The following LRRC47 variants were observed in gnomAD, a reference collection of about 807,000 sequenced individuals.
The protein encoded by LRRC47 is leucine rich repeat containing 47.
In LRRC47, 31 loss-of-function variants were observed where a neutral mutation model predicts 40.9. The ratio of observed to expected loss-of-function variants is 0.76; its 90% confidence interval spans 0.57 to 1.02. The LOEUF (loss-of-function observed/expected upper bound fraction) is 1.02. LRRC47 is among the 50% of genes least tolerant of loss of function. The probability of loss-of-function intolerance (pLI) is 0.00; values close to 1 mark genes in which losing one functional copy is unlikely to be tolerated. For synonymous variants in LRRC47, 427 were observed against 371.9 expected, an observed-to-expected ratio of 1.15 and a Z score of -1.70; for missense variants, 726 against 796.1, an observed-to-expected ratio of 0.91 and a Z score of 1.06.
Position 3,783,926 on chromosome 1 carries a change from C to CT in LRRC47, c.1310+69dup, listed in dbSNP as rs766812194. The CT allele has an allele frequency of 3.8e-6, 5 of 1,320,750 alleles. No homozygotes were observed. The Middle Eastern group carries it at 7.3e-4, about 194-fold the overall frequency. 81.8% of individuals were successfully genotyped at this position (1,320,750 alleles called of 1,614,324 possible). ...TTAGGCGGTTCCTGAGGAGCACAGA[C>CT]TAACTCAGCTGAGGCCAGCATGCGG... On this transcript the variant is annotated intron_variant, in intron 4 of 6. Transcript: ENST00000378251.
At chr1:3,790,203 C>T (rs2124613466) in intron 1 of LRRC47, among the ~76,000 whole-genome samples, 1 of 152,346 alleles carries the variant, frequency 6.6e-6, no homozygotes, top group South Asian at 2.1e-4. Flanking sequence ...ATCCTAACTT[C>T]ATGGTGGTGA....
intron 1 of LRRC47, among the ~76,000 whole-genome samples, chr1:3,792,887 A>G (rs1258403499): frequency 6.6e-6 from 1 of 152,212 alleles, no homozygotes; most frequent in Non-Finnish European, 1.5e-5. Context: ...CTGGAAAACC[A>G]AAAGTATCTG....
intron 1 of LRRC47, among the ~76,000 whole-genome samples, chr1:3,792,877 C>A (rs988582243): frequency 1.3e-5 from 2 of 152,230 alleles, no homozygotes; most frequent in Non-Finnish European, 2.9e-5. Context: ...CATCAACACT[C>A]TGGAAAACCA....
chr1:3,785,065 C>T, intron 3 of LRRC47, 22 bp downstream of exon 3: 1 of 1,552,676 alleles, frequency 6.4e-7, no homozygotes, highest in Non-Finnish European at 8.8e-7. Context: ...TTCAGCAGAC[C>T]CTGCAAAGGA....
chr1:3,793,591 G>A (rs778001892), intron 1 of LRRC47, among the ~76,000 whole-genome samples: 2 of 152,186 alleles, frequency 1.3e-5, no homozygotes, highest in Admixed American at 6.5e-5. Context: ...TCTTCTGGAG[G>A]TCACAAGATA....
rs753784096 is a variant in LRRC47, at chr1:3,786,908, C to T, written c.1018G>A (p.Val340Met). ...RDVRPYIVGA[V>M]VRGMDLQPGN... Reference sequence around the variant, plus strand: ...GGCTGCAGGTCCATGCCTCGCACCACGGCCCCCACAATGTAGGGCCGCACA... The same window carrying T: ...GGCTGCAGGTCCATGCCTCGCACCATGGCCCCCACAATGTAGGGCCGCACA... The change falls in exon 2 of 7, where the codon GTG becomes ATG. Residue 340 changes from valine to methionine, a missense_variant. Coordinates refer to ENST00000378251, the MANE Select transcript of LRRC47 (RefSeq NM_020710.3). The T allele has an allele frequency of 6.2e-6, 10 of 1,606,700 alleles. No individual in the cohort carries two copies. The highest frequency in any genetic ancestry group is 2.2e-5 in the East Asian group (1 of 44,496).
intron 5 of LRRC47, among the ~76,000 whole-genome samples, chr1:3,781,895 C>T (rs1018283033): frequency 5.9e-5 from 9 of 152,170 alleles, no homozygotes; most frequent in African/African-American, 2.4e-5. Context: ...ATGGGAGGAT[C>T]GCTTAAGCCC....
Position 3,796,231 on chromosome 1 carries a change from C to T in LRRC47, c.246G>A (p.Leu82=). Residue 82 remains leucine (L), a synonymous_variant, in exon 1 of 7, where the codon CTG becomes CTA. Transcript: ENST00000378251. ...QGLPQLHSLV[L]RRNALGPGLS... is the part of the protein sequence containing the mutation. ...GGCCGGGCCCCAGCGCGTTGCGCCG[C>T]AGCACGAGGCTGTGCAGCTGCGGCA... 1 of 1,426,936 alleles carries T rather than the reference C, an allele frequency of 7.0e-7. No individual in the cohort carries two copies. Among genetic ancestry groups the T allele is most frequent in the Non-Finnish European group, 9.1e-7 (1 of 1,099,692 alleles). The allele number at this position is 1,426,936 out of a possible 1,614,324, so 88.4% of individuals were successfully genotyped here. A position where few individuals can be genotyped will look rare whatever the true frequency, so the allele number is the denominator to read the frequency against.
chr1:3,787,263 A>C lies in LRRC47; in HGVS notation c.663T>G (p.Leu221=), dbSNP rs41301965. The C allele has an allele frequency of 1.9e-6, 3 of 1,613,226 alleles. No individual in the cohort carries two copies. The highest frequency in any genetic ancestry group is 1.7e-5 in the Admixed American group (1 of 59,996). Residue 221 remains leucine (L), a synonymous_variant, in exon 2 of 7, where the codon CTT becomes CTG. Transcript: ENST00000378251. ...TCTCCTTGAGCTTGGGGCAGTCCGC[A>C]AGCTCTGCAGGGATCTCGCTCAGCT... is the stretch of plus-strand genomic sequence containing the variant. ...NNQLSEIPAE[L]ADCPKLKEIN...
In LRRC47 at chr1:3,781,083, T is replaced by C. The variant is rs762996102; in HGVS notation, c.*5A>G. On this transcript the variant is annotated 3_prime_UTR_variant, in exon 7 of 7. Coordinates refer to ENST00000378251, the MANE Select transcript of LRRC47 (RefSeq NM_020710.3). ...CCAAACAAACGCGGACAGGCGGCCC[T>C]GGCGTCAGCGCACGACAGTCACGTG... 3 of 1,610,896 alleles carry C rather than the reference T, an allele frequency of 1.9e-6. No individual in the cohort carries two copies. In the South Asian group the frequency reaches 3.3e-5, roughly 18 times the overall value.
At chr1:3,791,991 TG>T (rs1395514022) in intron 1 of LRRC47, among the ~76,000 whole-genome samples, 1 of 152,118 alleles carries the variant, frequency 6.6e-6, no homozygotes, top group African/African-American at 2.4e-5. Context: ...TGGGCTCAAG[TG>T]ATCCGCCCGC....
rs1158053712 is a variant in LRRC47 at position 3,781,557 on chromosome 1, G to A, written c.1458C>T (p.Ala486=). ...TSDLFLEVTS[A]TSLQICKDVM... ...CATCCTTGCAAATCTGCAGACTGGT[G>A]GCACTTGTTACTTCCAAAAACAAAT... The change falls in exon 6 of 7, where the codon GCC becomes GCT. Residue 486 remains alanine (A), a synonymous_variant. Coordinates refer to ENST00000378251, the MANE Select transcript of LRRC47 (RefSeq NM_020710.3). 2 of 1,613,960 alleles carry A rather than the reference G, an allele frequency of 1.2e-6. No homozygotes were observed. The highest frequency in any genetic ancestry group is 1.7e-5 in the Admixed American group (1 of 60,014).
At chr1:3,793,078 C>G (rs1037584783) in intron 1 of LRRC47, among the ~76,000 whole-genome samples, 1 of 152,022 alleles carries the variant, frequency 6.6e-6, no homozygotes, top group African/African-American at 2.4e-5. Flanking sequence ...TGAAAGAGAT[C>G]TGATCTAACC....
Position 3,796,405 on chromosome 1 carries a change from C to T in LRRC47, c.72G>A (p.Leu24=), listed in dbSNP as rs1400383737. ...ELAERERRRE[L]LLTGPGLEER... ...CCTCCAGCCCGGGCCCCGTCAGCAG[C>T]AGCTCCCGCCGCCGCTCGCGCTCAG... The change falls in exon 1 of 7, where the codon CTG becomes CTA. Residue 24 remains leucine (L), a synonymous_variant. Coordinates refer to ENST00000378251, the MANE Select transcript of LRRC47 (RefSeq NM_020710.3). The T allele has an allele frequency of 6.6e-7, 1 of 1,516,464 alleles. No individual in the cohort carries two copies. The highest frequency in any genetic ancestry group is 2.0e-5 in the Admixed American group (1 of 49,808). 93.9% of individuals were successfully genotyped at this position (1,516,464 alleles called of 1,614,324 possible).
chr1:3,787,453 A>G, intron 1 of LRRC47, 143 bp from the exon 2 acceptor site: 1 of 761,000 alleles, frequency 1.3e-6, no homozygotes, highest in Non-Finnish European at 2.1e-6. Flanking sequence ...GGGGAGCCAC[A>G]AGTCATTCAC....
At chr1:3,794,544 C>G (rs1643656288) in intron 1 of LRRC47, among the ~76,000 whole-genome samples, 2 of 151,914 alleles carry the variant, frequency 1.3e-5, no homozygotes, top group African/African-American at 4.8e-5. Flanking sequence ...TGGGGTTTCA[C>G]CATGTTGGCC....
Position 3,796,276 on chromosome 1 carries a change from C to G in LRRC47, c.201G>C (p.Gly67=), listed in dbSNP as rs771351720. 5.4e-6 allele frequency: 8 copies of G among 1,478,132 alleles called. No individual in the cohort carries two copies. In the Admixed American group the frequency reaches 1.4e-4, roughly 26 times the overall value. 91.6% of individuals were successfully genotyped at this position (1,478,132 alleles called of 1,614,324 possible). ...VSGCGSLRAP[G]PGLAQGLPQL... ...GCGGCAGGCCCTGCGCCAGGCCAGG[C>G]CCCGGCGCGCGCAAGCTCCCGCAGC... is the stretch of plus-strand genomic sequence containing the variant. The change falls in exon 1 of 7, where the codon GGG becomes GGC. Residue 67 remains glycine (G), a synonymous_variant. Transcript: ENST00000378251.
chr1:3,795,128 C>T (rs1643661995), intron 1 of LRRC47, among the ~76,000 whole-genome samples: 1 of 151,706 alleles, frequency 6.6e-6, no homozygotes, highest in South Asian at 2.1e-4. Context: ...GCAGGACTGC[C>T]TTAAGGATGA....
At position 3,784,007 on chromosome 1, in the gene LRRC47, C is replaced by G; in HGVS notation, c.1299G>C (p.Ser433=). The change falls in exon 4 of 7, where the codon TCG becomes TCC. Residue 433 remains serine, a synonymous_variant. Transcript: ENST00000378251. The part of the protein sequence containing the change: ...QRKQKKRQSV[S]GLHRYLHLLD... Reference sequence around the variant, plus strand: ...GGCACGCTGCCCACCTGTGCAGGCCCGACACACTCTGCCGCTTCTTCTGCT... The same window carrying G: ...GGCACGCTGCCCACCTGTGCAGGCCGGACACACTCTGCCGCTTCTTCTGCT... 1 of 1,607,606 alleles carries G rather than the reference C, an allele frequency of 6.2e-7. No homozygotes were observed. The highest frequency in any genetic ancestry group is 8.5e-7 in the Non-Finnish European group (1 of 1,179,522).
Sources: allele counts gnomAD v4.1 joint callset (sites outside exome capture counted in the v4.1 genomes callset), GRCh38; gene constraint gnomAD v4.1.1; transcripts MANE v1.5; gene names NCBI Gene and HGNC (gene_info 2026-07-23, HGNC 2026-07-21).